Variants in LAIR2 observed in about 807,000 individuals in gnomAD.
The protein encoded by LAIR2 is leukocyte-associated immunoglobulin-like receptor 2.
In LAIR2, 14 loss-of-function variants were observed where a neutral mutation model predicts 14.8. That is an observed-to-expected ratio of 0.95 (90% CI 0.62 to 1.48). The LOEUF is 1.48. Ranked by LOEUF, LAIR2 falls within the 40% of genes most tolerant of loss-of-function variation. The pLI, the probability that LAIR2 is intolerant of heterozygous loss-of-function variation, is 0.00. For synonymous variants in LAIR2, 75 were observed against 74.5 expected (o/e 1.01, Z -0.03); for missense variants, 172 against 180.9 (o/e 0.95, Z 0.28).
chr19:54,508,094 A>G lies in LAIR2; in HGVS notation c.274A>G (p.Ser92Gly), dbSNP rs1337388621. The G allele has an allele frequency of 6.2e-7, 1 of 1,614,090 alleles. No homozygotes were observed. The highest frequency in any genetic ancestry group is 1.3e-5 in the African/African-American group (1 of 74,942). Reference protein sequence around the residue: ...SEARFHIDSVSEGNAGLYRCL... With the variant: ...SEARFHIDSVGEGNAGLYRCL... Reference sequence around the variant, plus strand: ...GGCCAGATTCCACATTGACTCAGTAAGTGAAGGAAATGCCGGGCTTTATCG... The same window carrying G: ...GGCCAGATTCCACATTGACTCAGTAGGTGAAGGAAATGCCGGGCTTTATCG... Residue 92 changes from serine to glycine, a missense_variant, in exon 3 of 5, where the codon AGT becomes GGT. Physicochemically the swap from Ser to Gly is moderately conservative, Grantham distance 56. Around this residue, in one of 2 missense-constraint regions of LAIR2, gnomAD observed 161 missense variants for 149.0 expected, o/e 1.08. Transcript: ENST00000301202.
rs766194341 is a variant in LAIR2, at chr19:54,508,230, G to A, written c.364+46G>A. On this transcript the variant is annotated intron_variant, in intron 3 of 4. Coordinates refer to ENST00000301202, the MANE Select transcript of LAIR2 (RefSeq NM_002288.6). ...CTGCCCCAGTCTCAGCTCGACCCTC[G>A]AGCTTGTCCCGAGGTCCCTGGTCCC... 25 of 1,566,876 alleles carry A rather than the reference G, an allele frequency of 1.6e-5. 1 individual carries two copies. Among genetic ancestry groups the A allele is most frequent in the African/African-American group, 4.1e-5 (3 of 73,908 alleles).
intron 2 of LAIR2, 86 bp downstream of exon 2, chr19:54,503,821 G>T (rs1247255625): frequency 1.9e-6 from 3 of 1,557,714 alleles, no homozygotes; most frequent in Admixed American, 1.7e-5. Context: ...ATTCTTAGAG[G>T]GCCTGGAGAG....
chr19:54,506,356 C>T (rs1234000555), intron 2 of LAIR2, among the ~76,000 whole-genome samples: 1 of 152,104 alleles, frequency 6.6e-6, no homozygotes, highest in Non-Finnish European at 1.5e-5. Context: ...CTGTAGTCAC[C>T]GTGTTGTACA....
chr19:54,505,426 C>T (rs2085347572), intron 2 of LAIR2, among the ~76,000 whole-genome samples: 1 of 152,056 alleles, frequency 6.6e-6, no homozygotes, highest in Non-Finnish European at 1.5e-5. Flanking sequence ...TCCTGCATCA[C>T]CCCCAGGTGA....
At chr19:54,503,618 G>A (rs1173090909) in intron 1 of LAIR2, 82 bp from the exon 2 acceptor site, 1 of 1,579,560 alleles carries the variant, frequency 6.3e-7, no homozygotes, top group Non-Finnish European at 8.7e-7. Flanking sequence ...ATGCCCCCCA[G>A]CTCCGTCAAG....
chr19:54,504,328 C>T (rs912087762), intron 2 of LAIR2, among the ~76,000 whole-genome samples: 3 of 152,058 alleles, frequency 2.0e-5, no homozygotes, highest in African/African-American at 4.8e-5. Flanking sequence ...GATGTTACAA[C>T]GTATGTAAAC....
Position 54,503,750 on chromosome 19 carries a change from C to G in LAIR2, c.70+15C>G, listed in dbSNP as rs199555694. On this transcript the variant is annotated intron_variant, in intron 2 of 4. Coordinates refer to ENST00000301202, the MANE Select transcript of LAIR2 (RefSeq NM_002288.6). ...CACGCAGGAGGGTAAGTCATGCCTT[C>G]GTCCCGTCTTCCCAGTCCCCTCTGT... 1 of 1,614,028 alleles carries G rather than the reference C, an allele frequency of 6.2e-7. No individual in the cohort carries two copies. Among genetic ancestry groups the G allele is most frequent in the African/African-American group, 1.3e-5 (1 of 75,006 alleles).
At chr19:54,504,810 A>G (rs979888854) in intron 2 of LAIR2, among the ~76,000 whole-genome samples, 13 of 152,066 alleles carry the variant, frequency 8.5e-5, no homozygotes, top group African/African-American at 3.1e-4. Context: ...GGGTTTCACC[A>G]TGTTGGCCAG....
chr19:54,505,747 A>G (rs949679947), intron 2 of LAIR2, among the ~76,000 whole-genome samples: 1 of 151,074 alleles, frequency 6.6e-6, no homozygotes, highest in Non-Finnish European at 1.5e-5. Context: ...ACTCATCTCT[A>G]CATTCCTCCA....
intron 2 of LAIR2, among the ~76,000 whole-genome samples, chr19:54,504,583 T>C (rs1341773978): frequency 6.6e-6 from 1 of 152,138 alleles, no homozygotes; most frequent in Admixed American, 6.6e-5. Context: ...ATCATTCTAA[T>C]CTCTAACTCT....
At chr19:54,507,633 C>T (rs1231014033) in intron 2 of LAIR2, among the ~76,000 whole-genome samples, 2 of 152,232 alleles carry the variant, frequency 1.3e-5, no homozygotes, top group Admixed American at 6.5e-5. Context: ...ACACTTCCCA[C>T]GTGACCCTGA....
In LAIR2 at chr19:54,502,928, C is replaced by T. The variant is rs1368019366; in HGVS notation, c.10C>T (p.His4Tyr). Reference sequence around the variant, plus strand: ...TTCTGGGACCGGGGCCATGTCTCCACACCTCACTGCTCTCCTGGGCCTAGG... The same window carrying T: ...TTCTGGGACCGGGGCCATGTCTCCATACCTCACTGCTCTCCTGGGCCTAGG... MSPHLTALLGLVLC... is the reference protein window; with the variant it reads MSPYLTALLGLVLC... The change falls in exon 1 of 5, where the codon CAC (histidine) becomes TAC (tyrosine). Residue 4 changes from histidine to tyrosine, a missense_variant. Transcript: ENST00000301202. The T allele has an allele frequency of 1.2e-6, 2 of 1,614,104 alleles. No homozygotes were observed. Among genetic ancestry groups the T allele is most frequent in the Admixed American group, 3.3e-5 (2 of 60,018 alleles).
chr19:54,503,065 C>A (rs2085303924), intron 1 of LAIR2, 113 bp downstream of exon 1: 3 of 984,928 alleles, frequency 3.0e-6, no homozygotes, highest in Non-Finnish European at 4.7e-6. Context: ...GTGTCCTCCT[C>A]CCCCCAAGAC....
Position 54,502,933 on chromosome 19 carries a change from C to T in LAIR2, c.15C>T (p.Leu5=). 6.2e-7 allele frequency: 1 copy of T among 1,614,036 alleles called. No individual in the cohort carries two copies. Among genetic ancestry groups the T allele is most frequent in the Non-Finnish European group, 8.5e-7 (1 of 1,179,956 alleles). Residue 5 remains leucine, a synonymous_variant, in exon 1 of 5, where the codon CTC becomes CTT. Coordinates refer to ENST00000301202, the MANE Select transcript of LAIR2 (RefSeq NM_002288.6). MSPH[L]TALLGLVLCL... ...GGACCGGGGCCATGTCTCCACACCT[C>T]ACTGCTCTCCTGGGCCTAGGTGAGT...
rs138111136 is a variant in LAIR2 at position 54,503,735 on chromosome 19, G to C, written c.70G>C (p.Gly24Arg). The C allele has an allele frequency of 1.4e-4, 227 of 1,613,894 alleles. No individual in the cohort carries two copies. Among genetic ancestry groups the C allele is most frequent in the Non-Finnish European group, 1.8e-4 (216 of 1,180,014 alleles). Reference protein sequence around the residue: ...CLAQTIHTQEGALPRPSISAE... With the variant: ...CLAQTIHTQERALPRPSISAE... The stretch of plus-strand genomic sequence containing the variant: ...GGCCCAGACCATCCACACGCAGGAG[G>C]GTAAGTCATGCCTTCGTCCCGTCTT... Residue 24 changes from glycine to arginine, a missense_variant and splice_region_variant, in exon 2 of 5, where the codon GGG (glycine) becomes CGG (arginine). Gly to Arg is a moderately radical substitution (Grantham distance 125). This residue lies in a region of LAIR2 where 161 missense variants were observed against 149.0 expected (regional missense o/e 1.08). Coordinates refer to ENST00000301202, the MANE Select transcript of LAIR2 (RefSeq NM_002288.6).
At chr19:54,507,739 G>A (rs2085389604) in intron 2 of LAIR2, 152 bp from the exon 3 acceptor site, 3 of 724,654 alleles carry the variant, frequency 4.1e-6, no homozygotes, top group Non-Finnish European at 7.1e-6. Flanking sequence ...GAAGGTGCAG[G>A]AGGCGTGGGA....
chr19:54,504,282 C>T (rs569754954), intron 2 of LAIR2, among the ~76,000 whole-genome samples: 37 of 152,026 alleles, frequency 2.4e-4, no homozygotes, highest in Non-Finnish European at 4.4e-4. Context: ...TATTTTTAAT[C>T]GACAAATAAT....
Position 54,510,667 on chromosome 19 carries a change from A to T in LAIR2, c.*98A>T. On this transcript the variant is annotated 3_prime_UTR_variant, in exon 5 of 5. Transcript: ENST00000301202. Reference sequence around the variant, plus strand: ...CAGATGCCTATACATACATATACAAATAAAAAGATACGATTCGCAATGGAG... The same window carrying T: ...CAGATGCCTATACATACATATACAATTAAAAAGATACGATTCGCAATGGAG... 7.2e-7 allele frequency: 1 copy of T among 1,392,860 alleles called. No individual in the cohort carries two copies. Among genetic ancestry groups the T allele is most frequent in the Non-Finnish European group, 1.0e-6 (1 of 983,178 alleles). The allele number at this position is 1,392,860 out of a possible 1,614,324, so 86.3% of individuals were successfully genotyped here.
chr19:54,508,029 A>T lies in LAIR2; in HGVS notation c.209A>T (p.Asp70Val). 6.2e-7 allele frequency: 1 copy of T among 1,614,150 alleles called. No homozygotes were observed. Among genetic ancestry groups the T allele is most frequent in the Non-Finnish European group, 8.5e-7 (1 of 1,180,030 alleles). The change falls in exon 3 of 5, where the codon GAT becomes GTT. Residue 70 changes from aspartate to valine, a missense_variant. Around this residue, in one of 2 missense-constraint regions of LAIR2, gnomAD observed 161 missense variants for 149.0 expected, o/e 1.08. Coordinates refer to ENST00000301202, the MANE Select transcript of LAIR2 (RefSeq NM_002288.6). ...LEREDRAKYK[D>V]SYNVFRLGPS... ...AGGGAGGATAGAGCCAAGTACAAAG[A>T]TAGTTATAATGTGTTTCGACTTGGT...
Sources: allele counts gnomAD v4.1 joint callset (sites outside exome capture counted in the v4.1 genomes callset), GRCh38; gene constraint gnomAD v4.1.1; regional missense constraint gnomAD v4.1.1; transcripts MANE v1.5; gene names NCBI Gene and HGNC (gene_info 2026-07-23, HGNC 2026-07-21).